Variants in PRKN observed in about 807,000 individuals in gnomAD.
PRKN encodes the protein E3 ubiquitin-protein ligase parkin.
PRKN carries 56 observed loss-of-function variants against 59.5 expected under a neutral mutation model. That is an observed-to-expected ratio of 0.94 (90% CI 0.76 to 1.18). PRKN has a LOEUF of 1.18. PRKN is among the 50% of genes most tolerant of loss of function. The pLI is 0.00. For synonymous variants in PRKN, 250 were observed against 222.1 expected (o/e 1.13, Z -1.12); for missense variants, 657 against 596.4 (o/e 1.10, Z -1.06).
rs745812196 is a variant in PRKN at position 161,679,741 on chromosome 6, C to CTT, written c.871+106029_871+106030dup. 4.3e-3 allele frequency among the ~76,000 whole-genome samples: 100 copies of CTT among 23,496 alleles called. 28 individuals are homozygous for CTT. The highest frequency in any genetic ancestry group is 0.011 in the East Asian group (6 of 568). 15.4% of individuals were successfully genotyped at this position (23,496 alleles called of 152,430 possible). ...AAAAATGTTTTCAGTTCAGAGCCAGCTTTTTTTTTTTTTTTTTTTTTTTTT... is the reference window on the plus strand; with the variant it reads ...AAAAATGTTTTCAGTTCAGAGCCAGCTTTTTTTTTTTTTTTTTTTTTTTTTTT... On this transcript the variant is annotated intron_variant, in intron 7 of 11. Transcript: ENST00000366898.
chr6:161,704,461 A>G (rs186138646), intron 7 of PRKN, among the ~76,000 whole-genome samples: 1 of 152,276 alleles, frequency 6.6e-6, no homozygotes, highest in East Asian at 1.9e-4. Flanking sequence ...CCTGAAAATT[A>G]GCTTTCTTGG....
At chr6:162,328,779 C>T (rs941926337) in intron 2 of PRKN, among the ~76,000 whole-genome samples, 15 of 152,260 alleles carry the variant, frequency 9.9e-5, no homozygotes, top group Admixed American at 2.6e-4. Context: ...GAGGAGCGAG[C>T]GGCTGCCAAG....
At chr6:161,830,990 C>A (rs1264183110) in intron 6 of PRKN, among the ~76,000 whole-genome samples, 1 of 152,132 alleles carries the variant, frequency 6.6e-6, no homozygotes, top group East Asian at 1.9e-4. Flanking sequence ...CACAGGCTGG[C>A]CAAGCTCCAC....
chr6:161,381,136 C>A (rs1785965224), intron 10 of PRKN, among the ~76,000 whole-genome samples: 1 of 152,218 alleles, frequency 6.6e-6, no homozygotes. Flanking sequence ...TTCAACTCTG[C>A]CTCACTCATT....
At chr6:162,006,863 A>G (rs1379485660) in intron 5 of PRKN, among the ~76,000 whole-genome samples, 2 of 152,146 alleles carry the variant, frequency 1.3e-5, no homozygotes, top group Non-Finnish European at 2.9e-5. Flanking sequence ...ACTGCGCCCA[A>G]TGAACCCCAG....
intron 1 of PRKN, among the ~76,000 whole-genome samples, chr6:162,664,817 T>C (rs1779033182): frequency 6.6e-6 from 1 of 152,182 alleles, no homozygotes; most frequent in African/African-American, 2.4e-5. Context: ...AAAAATTTTC[T>C]CCCATTCTCT....
chr6:161,847,126 GGT>G (rs1793232427), intron 6 of PRKN, among the ~76,000 whole-genome samples: 1 of 152,150 alleles, frequency 6.6e-6, no homozygotes, highest in African/African-American at 2.4e-5. Context: ...TGGCCAACAT[GGT>G]GAAACCCCGT....
At chr6:161,905,009 G>A (rs535029575) in intron 6 of PRKN, among the ~76,000 whole-genome samples, 139 of 152,162 alleles carry the variant, frequency 9.1e-4, no homozygotes, top group African/African-American at 3.3e-3. Flanking sequence ...TTTGTTTAAT[G>A]CTTAGCTACA....
At chr6:161,679,929 T>C (rs911183628) in intron 7 of PRKN, among the ~76,000 whole-genome samples, 4 of 151,746 alleles carry the variant, frequency 2.6e-5, no homozygotes, top group South Asian at 4.1e-4. Flanking sequence ...ACCTTTTTTT[T>C]ATTTTTAGTA....
At chr6:162,164,292 C>G (rs1583134463) in intron 4 of PRKN, among the ~76,000 whole-genome samples, 1 of 149,020 alleles carries the variant, frequency 6.7e-6, no homozygotes, top group African/African-American at 2.5e-5. Flanking sequence ...GGCACTATCT[C>G]GGCTCTGCAA....
At chr6:162,724,841 C>G (rs905911247) in intron 1 of PRKN, among the ~76,000 whole-genome samples, 2 of 152,136 alleles carry the variant, frequency 1.3e-5, no homozygotes, top group African/African-American at 4.8e-5. Flanking sequence ...AGTAGTACAA[C>G]GAAGGTCATA....
At chr6:162,212,207 T>C (rs950037103) in intron 3 of PRKN, among the ~76,000 whole-genome samples, 1 of 152,116 alleles carries the variant, frequency 6.6e-6, no homozygotes, top group Non-Finnish European at 1.5e-5. Context: ...TCCCTTCAAG[T>C]TGAATGTCTG....
chr6:161,475,275 C>A lies in PRKN; in HGVS notation c.1083+73579G>T, dbSNP rs188100009. ...ATGGAGCTGCCAACTTGGGGGAATG[C>A]AGTCACCTCTTCCCACACTGGTGAC... On this transcript the variant is annotated intron_variant, in intron 9 of 11. Coordinates refer to ENST00000366898, the MANE Select transcript of PRKN (RefSeq NM_004562.3). This position sits in a 1 kb window ranked among gnomAD's most constrained non-coding sequence, Gnocchi z 5.3. 1.3e-4 allele frequency among the ~76,000 whole-genome samples: 20 copies of A among 152,304 alleles called. No individual in the cohort carries two copies. The highest frequency in any genetic ancestry group is 2.9e-4 in the Non-Finnish European group (20 of 68,022).
chr6:162,374,043 G>T (rs1220627865), intron 2 of PRKN, among the ~76,000 whole-genome samples: 1 of 152,184 alleles, frequency 6.6e-6, no homozygotes, highest in Non-Finnish European at 1.5e-5. Context: ...GGAACAAGAG[G>T]AGGTTATAGC....
rs200285448 is a variant in PRKN at position 162,430,176 on chromosome 6, T to C, written c.171+13134A>G. Among the ~76,000 whole-genome samples the C allele has an allele frequency of 3.9e-3, 508 of 131,632 alleles. 6 individuals are homozygous for C. The East Asian group carries it at 0.06, about 15-fold the overall frequency. The allele number at this position is 131,632 out of a possible 152,430, so 86.4% of individuals were successfully genotyped here. On this transcript the variant is annotated intron_variant, in intron 2 of 11. Transcript: ENST00000366898. ...ATGACGATGACGACGACGACGACGA[T>C]GATGATGATGATGTTAAAATCACAA...
chr6:161,532,704 T>C (rs1239919069), intron 9 of PRKN, among the ~76,000 whole-genome samples: 2 of 152,170 alleles, frequency 1.3e-5, no homozygotes, highest in African/African-American at 4.8e-5. Context: ...CGTGGTAATA[T>C]GGCTGGAATG....
intron 7 of PRKN, among the ~76,000 whole-genome samples, chr6:161,633,997 AACACACACACACACAC>A (rs141101298): frequency 1.3e-4 from 19 of 142,018 alleles, no homozygotes; most frequent in African/African-American, 3.5e-4. Flanking sequence ...GGAAAACTTA[AACACACACACACACAC>A]ACACACACAC....
In PRKN at chr6:161,352,762, T is replaced by C. The variant is rs1784604716; in HGVS notation, c.1286-2551A>G. On this transcript the variant is annotated intron_variant, in intron 11 of 11. Coordinates refer to ENST00000366898, the MANE Select transcript of PRKN (RefSeq NM_004562.3). This position sits in a 1 kb window ranked among gnomAD's most constrained non-coding sequence, Gnocchi z 5.8. ...GTGTGTGTGTGTGTGTGTGTATATATATATATATATTTTATTTTATTTTAT... is the reference window on the plus strand; with the variant it reads ...GTGTGTGTGTGTGTGTGTGTATATACATATATATATTTTATTTTATTTTAT... 6.8e-6 allele frequency among the ~76,000 whole-genome samples: 1 copy of C among 146,390 alleles called. No homozygotes were observed. Among genetic ancestry groups the C allele is most frequent in the Non-Finnish European group, 1.5e-5 (1 of 67,008 alleles).
chr6:162,640,841 G>A (rs929994517), intron 1 of PRKN, among the ~76,000 whole-genome samples: 1 of 152,152 alleles, frequency 6.6e-6, no homozygotes, highest in Non-Finnish European at 1.5e-5. Flanking sequence ...TTTGCTAAAG[G>A]TATAAACTCT....
Sources: allele counts gnomAD v4.1 joint callset (sites outside exome capture counted in the v4.1 genomes callset), GRCh38; gene constraint gnomAD v4.1.1; non-coding constraint Gnocchi (gnomAD v3.1); transcripts MANE v1.5; gene names NCBI Gene and HGNC (gene_info 2026-07-23, HGNC 2026-07-21).